The following MAGI2 variants were observed in gnomAD, a reference collection of about 807,000 sequenced individuals.
MAGI2 encodes membrane associated guanylate kinase, WW and PDZ domain containing 2, also known as membrane-associated guanylate kinase, WW and PDZ domain-containing protein 2.
A neutral mutation model predicts 133.3 loss-of-function variants in MAGI2; 35 were observed. That is an observed-to-expected ratio of 0.26 (90% CI 0.20 to 0.35). The LOEUF is 0.35. Among genes scored for constraint, MAGI2 ranks in the 10% least tolerant of loss-of-function variants. MAGI2 has a pLI of 1.00. For synonymous variants in MAGI2, 729 were observed against 710.6 expected (o/e 1.03, Z -0.41); for missense variants, 1,636 against 1,863.4 (o/e 0.88, Z 2.25).
At chr7:79,229,625 T>G (rs182254775) in intron 1 of MAGI2, among the ~76,000 whole-genome samples, 101 of 152,316 alleles carry the variant, frequency 6.6e-4, no homozygotes, top group South Asian at 1.5e-3. Context: ...TATGAATCTG[T>G]GTTTAGCATA....
At chr7:79,096,964 A>G (rs1024427413) in intron 1 of MAGI2, among the ~76,000 whole-genome samples, 1 of 152,160 alleles carries the variant, frequency 6.6e-6, no homozygotes, top group African/African-American at 2.4e-5. Flanking sequence ...TATCTCCCCA[A>G]TGATCCTCCC....
At chr7:78,051,290 A>T (rs1724462103) in intron 21 of MAGI2, among the ~76,000 whole-genome samples, 1 of 152,194 alleles carries the variant, frequency 6.6e-6, no homozygotes, top group African/African-American at 2.4e-5. Flanking sequence ...AGGGCCGATG[A>T]TTTTTTTAAA....
chr7:79,335,306 C>T (rs1840363175), intron 1 of MAGI2, among the ~76,000 whole-genome samples: 1 of 152,060 alleles, frequency 6.6e-6, no homozygotes, highest in African/African-American at 2.4e-5. Context: ...TTGCACAGTG[C>T]TTGAGTGAAC....
intron 9 of MAGI2, among the ~76,000 whole-genome samples, chr7:78,291,692 T>C (rs1191794797): frequency 1.3e-5 from 2 of 152,204 alleles, no homozygotes; most frequent in South Asian, 2.1e-4. Flanking sequence ...AATAAAATAC[T>C]GGCAAACCGA....
At chr7:78,244,448 A>G (rs930963251) in intron 10 of MAGI2, among the ~76,000 whole-genome samples, 9 of 152,090 alleles carry the variant, frequency 5.9e-5, no homozygotes, top group Non-Finnish European at 1.0e-4. Context: ...AAATTAAACA[A>G]AAAACAAAAC....
intron 2 of MAGI2, among the ~76,000 whole-genome samples, chr7:78,941,588 G>C (rs538562490): frequency 1.3e-5 from 2 of 151,912 alleles, no homozygotes; most frequent in Non-Finnish European, 2.9e-5. Context: ...CACCTGCCTT[G>C]GCCTCTCAAA....
intron 2 of MAGI2, among the ~76,000 whole-genome samples, chr7:78,703,578 A>G (rs1383679795): frequency 6.6e-6 from 1 of 152,042 alleles, no homozygotes; most frequent in Non-Finnish European, 1.5e-5. Context: ...GTGGTTGTCC[A>G]TGAACTAATG....
chr7:78,866,606 T>C (rs923721020), intron 2 of MAGI2, among the ~76,000 whole-genome samples: 1 of 151,986 alleles, frequency 6.6e-6, no homozygotes, highest in African/African-American at 2.4e-5. Flanking sequence ...TCGGGGCTGC[T>C]GGAACCACCC....
At chr7:79,220,559 A>C (rs924728740) in intron 1 of MAGI2, among the ~76,000 whole-genome samples, 1 of 151,954 alleles carries the variant, frequency 6.6e-6, no homozygotes, top group Non-Finnish European at 1.5e-5. Context: ...TGGACCCTTT[A>C]AAGAACCTCT....
intron 6 of MAGI2, among the ~76,000 whole-genome samples, chr7:78,377,402 G>A (rs1024689): frequency 0.82 from 124,003 of 151,718 alleles, 50,791 homozygotes; most frequent in Admixed American, 0.85. Context: ...CATCCCGAGT[G>A]AAGAAATGTT....
intron 1 of MAGI2, among the ~76,000 whole-genome samples, chr7:79,349,554 A>G (rs1841556608): frequency 6.6e-6 from 1 of 151,930 alleles, no homozygotes; most frequent in South Asian, 2.1e-4. Flanking sequence ...TGTTATTACT[A>G]TTTTACCTAA....
chr7:78,637,512 G>GA (rs1809805133), intron 2 of MAGI2, among the ~76,000 whole-genome samples: 1 of 151,568 alleles, frequency 6.6e-6, no homozygotes, highest in African/African-American at 2.4e-5. Flanking sequence ...GATGACAAAT[G>GA]AAAAATCTGT....
intron 1 of MAGI2, among the ~76,000 whole-genome samples, chr7:79,335,228 CTT>C (rs1374196736): frequency 1.3e-5 from 2 of 152,124 alleles, no homozygotes; most frequent in Non-Finnish European, 2.9e-5. Context: ...TCTATAATGA[CTT>C]TAACATAGTT....
intron 1 of MAGI2, among the ~76,000 whole-genome samples, chr7:79,175,750 A>T (rs1419907307): frequency 6.6e-6 from 1 of 152,034 alleles, no homozygotes; most frequent in Non-Finnish European, 1.5e-5. Flanking sequence ...CTATTGTAAC[A>T]CAATAAGTAT....
intron 1 of MAGI2, among the ~76,000 whole-genome samples, chr7:79,199,521 T>C (rs1448135295): frequency 6.6e-6 from 1 of 152,010 alleles, no homozygotes; most frequent in Non-Finnish European, 1.5e-5. Context: ...AGGCAAATGG[T>C]TGGTCTGGGA....
chr7:78,263,128 C>G (rs971105512), intron 9 of MAGI2, among the ~76,000 whole-genome samples: 4 of 152,160 alleles, frequency 2.6e-5, no homozygotes, highest in Non-Finnish European at 4.4e-5. Context: ...CAGTCTCTAG[C>G]TGCATTCATG....
At chr7:79,382,010 G>A (rs185697802) in intron 1 of MAGI2, among the ~76,000 whole-genome samples, 206 of 151,666 alleles carry the variant, frequency 1.4e-3, no homozygotes, top group Non-Finnish European at 2.2e-3. Flanking sequence ...ATTGGTGCTG[G>A]TCCTGATACT....
At chr7:78,768,787 C>T (rs1825281922) in intron 2 of MAGI2, among the ~76,000 whole-genome samples, 1 of 152,156 alleles carries the variant, frequency 6.6e-6, no homozygotes, top group Non-Finnish European at 1.5e-5. Flanking sequence ...AATGCACATA[C>T]TATTGCACTA....
At chr7:78,274,016 T>C (rs1026589466) in intron 9 of MAGI2, among the ~76,000 whole-genome samples, 1 of 152,130 alleles carries the variant, frequency 6.6e-6, no homozygotes, top group Non-Finnish European at 1.5e-5. Flanking sequence ...AGAAGAGGCA[T>C]TCTGGTTTTT....
Sources: gnomAD v4.1 joint callset for allele counts (sites outside exome capture counted in the v4.1 genomes callset) on GRCh38, gnomAD v4.1.1 for gene constraint, MANE v1.5 for transcripts, NCBI Gene and HGNC (gene_info 2026-07-23, HGNC 2026-07-21) for gene names.